Variants in ROBO2 observed in about 807,000 individuals in gnomAD.
ROBO2 encodes the protein roundabout homolog 2.
ROBO2 carries 53 observed loss-of-function variants against 160.8 expected under a neutral mutation model. The observed-to-expected ratio is 0.33, with a 90% confidence interval of 0.26 to 0.41. ROBO2 has a LOEUF of 0.41. Among genes scored for constraint, ROBO2 ranks in the 10% least tolerant of loss-of-function variants. ROBO2 has a pLI of 1.00. For missense variants in ROBO2, 1,577 were observed against 1,722.4 expected (o/e 0.92, Z 1.49); for synonymous variants, 664 against 611.7 (o/e 1.09, Z -1.26).
chr3:77,302,752 T>G (rs1213828248), intron 2 of ROBO2, among the ~76,000 whole-genome samples: 1 of 152,184 alleles, frequency 6.6e-6, no homozygotes, highest in Non-Finnish European at 1.5e-5. Context: ...AATGCATTAA[T>G]ATAGCTGAAA....
At chr3:76,858,974 G>T (rs1559612598) in intron 2 of ROBO2, among the ~76,000 whole-genome samples, 1 of 152,146 alleles carries the variant, frequency 6.6e-6, no homozygotes, top group Non-Finnish European at 1.5e-5. Flanking sequence ...ATGGAAGATG[G>T]CAGGATTCTT....
intron 2 of ROBO2, among the ~76,000 whole-genome samples, chr3:77,164,484 G>A (rs182087396): frequency 4.1e-3 from 337 of 81,696 alleles, no homozygotes; most frequent in Admixed American, 5.8e-3. Context: ...CGGGAGGGAG[G>A]TGGGGGGGTC....
chr3:76,185,052 A>G (rs1378207707), intron 2 of ROBO2, among the ~76,000 whole-genome samples: 1 of 151,564 alleles, frequency 6.6e-6, no homozygotes, highest in East Asian at 2.0e-4. Flanking sequence ...AGATTTCTAG[A>G]TATTTCTTCA....
At chr3:77,180,435 T>TATATAATGTA in intron 2 of ROBO2, among the ~76,000 whole-genome samples, 1 of 63,940 alleles carries the variant, frequency 1.6e-5, no homozygotes, top group Non-Finnish European at 3.2e-5. Context: ...TATATATGTA[T>TATATAATGTA]TTTTTTTTTT....
At chr3:77,211,789 AT>A (rs2084206221) in intron 2 of ROBO2, among the ~76,000 whole-genome samples, 2 of 152,230 alleles carry the variant, frequency 1.3e-5, no homozygotes, top group South Asian at 4.1e-4. Flanking sequence ...AGCTTTCTAC[AT>A]ATGGCTACCC....
At chr3:77,193,448 G>GTTTTTTTTTT (rs552295952) in intron 2 of ROBO2, among the ~76,000 whole-genome samples, 1 of 121,612 alleles carries the variant, frequency 8.2e-6, no homozygotes, top group African/African-American at 2.7e-5. Flanking sequence ...GCCCAGCTAA[G>GTTTTTTTTTT]TTTTTTTTTT....
intron 2 of ROBO2, among the ~76,000 whole-genome samples, chr3:77,453,059 C>T (rs2081281581): frequency 1.3e-5 from 2 of 152,134 alleles, no homozygotes; most frequent in Admixed American, 1.3e-4. Flanking sequence ...TATCACACTT[C>T]CGTATAGCCA....
At chr3:76,406,138 C>A (rs2078112063) in intron 2 of ROBO2, among the ~76,000 whole-genome samples, 1 of 151,542 alleles carries the variant, frequency 6.6e-6, no homozygotes, top group Non-Finnish European at 1.5e-5. Flanking sequence ...TATTTTACAT[C>A]AAAACACTTA....
chr3:77,232,001 A>G (rs2087279172), intron 2 of ROBO2, among the ~76,000 whole-genome samples: 1 of 152,104 alleles, frequency 6.6e-6, no homozygotes. Context: ...GTAATATTAT[A>G]CACTCTAGGT....
intron 2 of ROBO2, among the ~76,000 whole-genome samples, chr3:76,944,689 C>A (rs1261116833): frequency 6.6e-6 from 1 of 152,206 alleles, no homozygotes; most frequent in Non-Finnish European, 1.5e-5. Context: ...ATGCATAAAG[C>A]TTAGACAGTT....
chr3:77,058,790 G>A (rs1220437106), intron 1 of ROBO2, among the ~76,000 whole-genome samples: 7 of 151,606 alleles, frequency 4.6e-5, no homozygotes, highest in African/African-American at 1.5e-4. Flanking sequence ...CACCCACGTC[G>A]ACCTCCCAAA....
chr3:75,955,199 A>G (rs1185148148), intron 2 of ROBO2, among the ~76,000 whole-genome samples: 1 of 151,796 alleles, frequency 6.6e-6, no homozygotes, highest in African/African-American at 2.4e-5. Context: ...ATGTATAATG[A>G]GAGATTAGAT....
intron 2 of ROBO2, among the ~76,000 whole-genome samples, chr3:76,256,077 T>A (rs1047010482): frequency 1.3e-5 from 2 of 151,852 alleles, no homozygotes; most frequent in African/African-American, 4.8e-5. Flanking sequence ...GGTAGGAGGA[T>A]CCCTTGAAGT....
At chr3:77,211,029 A>C (rs62251850) in intron 2 of ROBO2, among the ~76,000 whole-genome samples, 4,243 of 152,310 alleles carry the variant, frequency 0.028, 68 homozygotes, top group Middle Eastern at 0.054. Context: ...TGCTATCGTG[A>C]ATAGTGCCGC....
chr3:76,031,881 A>C (rs945205504), intron 2 of ROBO2, among the ~76,000 whole-genome samples: 1 of 152,186 alleles, frequency 6.6e-6, no homozygotes, highest in African/African-American at 2.4e-5. Flanking sequence ...TGGCCTCATA[A>C]AATGAGTTAG....
chr3:76,489,445 A>C (rs1191372702), intron 2 of ROBO2, among the ~76,000 whole-genome samples: 2 of 152,124 alleles, frequency 1.3e-5, no homozygotes, highest in Non-Finnish European at 2.9e-5. Context: ...TATGGGTTTC[A>C]GTTTTCTCAT....
At chr3:76,098,027 G>A (rs528913396) in intron 2 of ROBO2, among the ~76,000 whole-genome samples, 1 of 152,194 alleles carries the variant, frequency 6.6e-6, no homozygotes, top group African/African-American at 2.4e-5. Context: ...GCCATAGTGA[G>A]CTCATGGATC....
At chr3:76,744,476 C>G (rs748279352) in intron 2 of ROBO2, among the ~76,000 whole-genome samples, 1 of 152,144 alleles carries the variant, frequency 6.6e-6, no homozygotes. Flanking sequence ...CCTCCCACCT[C>G]AGCCTCCTGA....
intron 2 of ROBO2, among the ~76,000 whole-genome samples, chr3:76,858,703 G>A (rs2070411300): frequency 6.6e-6 from 1 of 152,186 alleles, no homozygotes; most frequent in East Asian, 1.9e-4. Flanking sequence ...ATAGAGAATT[G>A]TTGTGGTGTT....
Sources: gnomAD v4.1 joint callset for allele counts (sites outside exome capture counted in the v4.1 genomes callset) on GRCh38, gnomAD v4.1.1 for gene constraint, MANE v1.5 for transcripts, NCBI Gene and HGNC (gene_info 2026-07-23, HGNC 2026-07-21) for gene names.